The following SVIL variants were observed in gnomAD, a reference collection of about 807,000 sequenced individuals.
SVIL encodes the protein archvillin.
SVIL carries 101 observed loss-of-function variants against 240.4 expected under a neutral mutation model. The observed-to-expected ratio is 0.42, with a 90% confidence interval of 0.36 to 0.50. The LOEUF (loss-of-function observed/expected upper bound fraction) is 0.50. SVIL is among the 20% of genes least tolerant of loss of function. The pLI, the probability that SVIL is intolerant of heterozygous loss-of-function variation, is 0.01. For synonymous variants in SVIL, 999 were observed against 1,100.0 expected (o/e 0.91, Z 1.82); for missense variants, 2,512 against 2,818.7 (o/e 0.89, Z 2.46).
At chr10:29,663,180 T>C (rs909509188) in intron 2 of SVIL, among the ~76,000 whole-genome samples, 4 of 152,272 alleles carry the variant, frequency 2.6e-5, no homozygotes, top group Admixed American at 1.3e-4. Flanking sequence ...ATTTTATTTG[T>C]CAAGAAAACT....
chr10:29,514,503 A>G (rs11007634), intron 16 of SVIL, among the ~76,000 whole-genome samples: 41,410 of 152,074 alleles, frequency 0.27, 5,993 homozygotes, highest in Non-Finnish European at 0.33. Context: ...CAGCCTCCAG[A>G]GTAGCTAGGA....
At position 29,523,541 on chromosome 10, in the gene SVIL, C is replaced by T. The variant is rs1331022718; in HGVS notation, c.3073G>A (p.Ala1025Thr). ...TCCCTCAAGTCCAAGTTTCCTTGTG[C>T]ATTCATTTTAGCCATGGAAAATTCC... ...PKEFSMAKMN[A>T]QGNLDLRDRL... The change falls in exon 15 of 38, where the codon GCA becomes ACA. Residue 1025 changes from alanine to threonine, a missense_variant. Physicochemically the swap from Ala to Thr is moderately conservative, Grantham distance 58 (BLOSUM62 0). Transcript: ENST00000355867. 6.2e-7 allele frequency: 1 copy of T among 1,614,080 alleles called. No individual in the cohort carries two copies. Among genetic ancestry groups the T allele is most frequent in the Non-Finnish European group, 8.5e-7 (1 of 1,180,046 alleles).
chr10:29,555,011 G>C (rs775312095), intron 4 of SVIL, 40 bp downstream of exon 4: 23 of 1,611,834 alleles, frequency 1.4e-5, no homozygotes, highest in Non-Finnish European at 2.0e-5. Flanking sequence ...GCTTTGCCAA[G>C]CTCTCTTCTA....
upstream of SVIL, among the ~76,000 whole-genome samples, chr10:29,635,726 G>A (rs560073346): frequency 1.4e-4 from 21 of 152,294 alleles, no homozygotes; most frequent in South Asian, 3.3e-3. Context: ...TCACAACCCT[G>A]TTTACAAAAT....
rs1953774134 is a variant in SVIL at position 29,555,032 on chromosome 10, C to T, written c.8+19G>A. On this transcript the variant is annotated intron_variant, in intron 4 of 37. Transcript: ENST00000355867. Reference sequence around the variant, plus strand: ...CCAAGCTCTCTTCTACTTCCTAACTCCCACTATAAAGATCTTACCTTTTCA... The same window carrying T: ...CCAAGCTCTCTTCTACTTCCTAACTTCCACTATAAAGATCTTACCTTTTCA... 6.2e-7 allele frequency: 1 copy of T among 1,612,952 alleles called. No homozygotes were observed. Among genetic ancestry groups the T allele is most frequent in the South Asian group, 1.1e-5 (1 of 90,956 alleles).
intron 2 of SVIL, among the ~76,000 whole-genome samples, chr10:29,666,781 A>T (rs1437319047): frequency 6.6e-6 from 1 of 152,226 alleles, no homozygotes; most frequent in African/African-American, 2.4e-5. Context: ...TGAGGGGAAG[A>T]AAAGGGAAAG....
intron 1 of SVIL, among the ~76,000 whole-genome samples, chr10:29,608,990 C>T (rs1008194603): frequency 6.6e-6 from 1 of 152,174 alleles, no homozygotes; most frequent in African/African-American, 2.4e-5. Context: ...ATGGACCAAT[C>T]AGCATGCACT....
chr10:29,664,819 G>A (rs190326423), intron 2 of SVIL, among the ~76,000 whole-genome samples: 35 of 152,196 alleles, frequency 2.3e-4, no homozygotes, highest in Admixed American at 2.3e-3. Context: ...ATTTCAGTGT[G>A]CCTCAAAGAA....
intron 1 of SVIL, among the ~76,000 whole-genome samples, chr10:29,579,951 C>T (rs1244400942): frequency 2.0e-5 from 3 of 151,892 alleles, no homozygotes; most frequent in Non-Finnish European, 4.4e-5. Context: ...GTGACTTATC[C>T]TCATATGCAG....
At chr10:29,643,048 T>A (rs142052602) in intron 3 of SVIL, among the ~76,000 whole-genome samples, 32 of 152,278 alleles carry the variant, frequency 2.1e-4, no homozygotes, top group African/African-American at 7.2e-4. Context: ...ATTAATCAAT[T>A]TGCAATATCC....
At chr10:29,691,257 G>A (rs1331149479) in intron 1 of SVIL, among the ~76,000 whole-genome samples, 1 of 151,062 alleles carries the variant, frequency 6.6e-6, no homozygotes, top group East Asian at 1.9e-4. Flanking sequence ...TGTCGCCCAG[G>A]CTGGAGTGCA....
At chr10:29,552,335 C>G (rs879375705) in intron 5 of SVIL, among the ~76,000 whole-genome samples, 11 of 151,730 alleles carry the variant, frequency 7.2e-5, no homozygotes, top group Admixed American at 2.0e-4. Flanking sequence ...GATCACGAAG[C>G]AGGCAGATCA....
rs1024597777 is a variant in SVIL at position 29,658,284 on chromosome 10, A to G, written c.-300-216T>C. On this transcript the variant is annotated intron_variant, in intron 2 of 35. Transcript: ENST00000375400. The stretch of plus-strand genomic sequence containing the variant: ...TTAAACCTCTTATAAAAAGTGCTCA[A>G]TAAAAGAATGCATTTTTCCCATTCA... Among the ~76,000 whole-genome samples the G allele has an allele frequency of 4.6e-5, 7 of 152,230 alleles. No individual in the cohort carries two copies. In the East Asian group the frequency reaches 1.3e-3, roughly 29 times the overall value.
At chr10:29,597,227 C>T (rs1035869175) in intron 1 of SVIL, among the ~76,000 whole-genome samples, 3 of 152,176 alleles carry the variant, frequency 2.0e-5, no homozygotes, top group Admixed American at 6.5e-5. Context: ...ACTCCTTAAA[C>T]GGGCTGCACT....
intron 6 of SVIL, among the ~76,000 whole-genome samples, chr10:29,537,016 T>C (rs991252052): frequency 6.6e-6 from 1 of 151,774 alleles, no homozygotes; most frequent in African/African-American, 2.4e-5. Flanking sequence ...AAAGGTAATT[T>C]AATTTCCATA....
At chr10:29,699,484 A>G (rs1237745858) in intron 1 of SVIL, among the ~76,000 whole-genome samples, 1 of 151,988 alleles carries the variant, frequency 6.6e-6, no homozygotes, top group Non-Finnish European at 1.5e-5. Flanking sequence ...TGTATTTTTT[A>G]GTAGAGATGG....
At chr10:29,575,880 T>A (rs532839034) in intron 1 of SVIL, among the ~76,000 whole-genome samples, 15 of 152,306 alleles carry the variant, frequency 9.8e-5, no homozygotes, top group Admixed American at 7.2e-4. Context: ...CACATTGGAA[T>A]TTTGCTCAAT....
intron 2 of SVIL, among the ~76,000 whole-genome samples, chr10:29,683,762 A>T (rs1463758999): frequency 1.3e-5 from 2 of 152,068 alleles, no homozygotes; most frequent in African/African-American, 2.4e-5. Context: ...GTTCCTTAGG[A>T]TCCAAACACA....
At chr10:29,579,840 A>G (rs1437485515) in intron 1 of SVIL, among the ~76,000 whole-genome samples, 6 of 152,144 alleles carry the variant, frequency 3.9e-5, no homozygotes, top group Non-Finnish European at 8.8e-5. Context: ...ATTTCCCACC[A>G]GGGCCGAACA....
Sources: gnomAD v4.1 joint callset for allele counts (sites outside exome capture counted in the v4.1 genomes callset) on GRCh38, gnomAD v4.1.1 for gene constraint, MANE v1.5 for transcripts, NCBI Gene and HGNC (gene_info 2026-07-23, HGNC 2026-07-21) for gene names.